Variants in CCSER1 observed in about 807,000 individuals in gnomAD.
CCSER1 encodes coiled-coil serine rich protein 1.
CCSER1 carries 41 observed loss-of-function variants against 82.0 expected under a neutral mutation model. The observed-to-expected ratio is 0.50, with a 90% CI of 0.39 to 0.65. CCSER1 has a LOEUF of 0.65. CCSER1 is among the 30% of genes least tolerant of loss of function. CCSER1 has a pLI of 0.00. For missense variants in CCSER1, 1,119 were observed against 1,064.2 expected (o/e 1.05, Z -0.72); for synonymous variants, 414 against 383.9 (o/e 1.08, Z -0.92).
At chr4:90,896,466 G>A (rs1042605579) in intron 8 of CCSER1, among the ~76,000 whole-genome samples, 4 of 151,820 alleles carry the variant, frequency 2.6e-5, no homozygotes, top group African/African-American at 7.3e-5. Context: ...CTGGCATCAC[G>A]AATATTTTGG....
chr4:90,610,102 A>T (rs1351218684), intron 5 of CCSER1, among the ~76,000 whole-genome samples: 1 of 151,774 alleles, frequency 6.6e-6, no homozygotes, highest in East Asian at 1.9e-4. Context: ...AAATACAAAA[A>T]ATTAGCCGGG....
At chr4:90,552,930 A>G (rs1052480054) in intron 5 of CCSER1, among the ~76,000 whole-genome samples, 1 of 152,156 alleles carries the variant, frequency 6.6e-6, no homozygotes, top group African/African-American at 2.4e-5. Context: ...TCTCTGAACC[A>G]GAGTGTTAGC....
intron 10 of CCSER1, among the ~76,000 whole-genome samples, chr4:91,274,098 T>C (rs2149188661): frequency 1.3e-5 from 2 of 152,342 alleles, no homozygotes; most frequent in South Asian, 2.1e-4. Context: ...ATGAGCACTT[T>C]GGTAATACAC....
At chr4:90,830,683 T>C (rs1016535306) in intron 8 of CCSER1, among the ~76,000 whole-genome samples, 26 of 152,164 alleles carry the variant, frequency 1.7e-4, no homozygotes, top group African/African-American at 5.8e-4. Context: ...TTTGGTTTAT[T>C]ACACAGCCAG....
chr4:90,403,590 CA>C (rs1753261719), intron 4 of CCSER1, among the ~76,000 whole-genome samples: 2 of 145,418 alleles, frequency 1.4e-5, no homozygotes, highest in African/African-American at 5.1e-5. Context: ...CAGCATTAAA[CA>C]TTCAAAAATG....
chr4:90,267,768 A>G (rs1182111126), intron 1 of CCSER1, among the ~76,000 whole-genome samples: 1 of 152,214 alleles, frequency 6.6e-6, no homozygotes, highest in Non-Finnish European at 1.5e-5. Context: ...GAACTACAAC[A>G]TAACTGGGCT....
chr4:90,642,750 G>A (rs113105683), intron 6 of CCSER1, among the ~76,000 whole-genome samples: 1,828 of 152,230 alleles, frequency 0.012, 9 homozygotes, highest in Non-Finnish European at 0.019. Flanking sequence ...AGCTACTCTG[G>A]AGGCTGACAT....
At chr4:90,648,144 G>A (rs1727929010) in intron 6 of CCSER1, among the ~76,000 whole-genome samples, 1 of 151,430 alleles carries the variant, frequency 6.6e-6, no homozygotes, top group African/African-American at 2.4e-5. Context: ...ATAGAATTCA[G>A]TTTAGACATA....
chr4:91,491,733 T>G (rs1758555066), intron 10 of CCSER1, among the ~76,000 whole-genome samples: 1 of 152,092 alleles, frequency 6.6e-6, no homozygotes. Context: ...TGAAGAATAT[T>G]TTTTCCTATT....
At chr4:91,479,296 C>T (rs1016448906) in intron 10 of CCSER1, among the ~76,000 whole-genome samples, 3 of 150,824 alleles carry the variant, frequency 2.0e-5, no homozygotes, top group African/African-American at 7.3e-5. Context: ...ACATGGATTC[C>T]GTGAAAAGTT....
chr4:91,482,168 T>C (rs4485791), intron 10 of CCSER1, among the ~76,000 whole-genome samples: 121,837 of 147,768 alleles, frequency 0.82, 50,552 homozygotes, highest in East Asian at 0.93. Flanking sequence ...TTTGGGAGGC[T>C]GAGGCGGGTG....
At chr4:90,847,498 C>T (rs1038126489) in intron 8 of CCSER1, among the ~76,000 whole-genome samples, 2 of 152,102 alleles carry the variant, frequency 1.3e-5, no homozygotes, top group South Asian at 4.1e-4. Flanking sequence ...CCATTTCTCA[C>T]GTATCAGTTT....
chr4:90,136,120 A>AT (rs1287231140), intron 1 of CCSER1, among the ~76,000 whole-genome samples: 1 of 152,202 alleles, frequency 6.6e-6, no homozygotes, highest in East Asian at 1.9e-4. Flanking sequence ...GACGAAATTT[A>AT]TTCCACACAG....
At chr4:91,174,446 A>T (rs765023490) in intron 10 of CCSER1, among the ~76,000 whole-genome samples, 21 of 152,090 alleles carry the variant, frequency 1.4e-4, no homozygotes, top group Non-Finnish European at 2.5e-4. Context: ...TTTAATATAA[A>T]TTTTAATTTT....
chr4:90,203,860 C>T, intron 1 of CCSER1, among the ~76,000 whole-genome samples: 1 of 152,100 alleles, frequency 6.6e-6, no homozygotes, highest in Non-Finnish European at 1.5e-5. Flanking sequence ...TCTGTTGTTT[C>T]CTGATTTTTT....
At chr4:91,069,019 C>A (rs1333246511) in intron 9 of CCSER1, among the ~76,000 whole-genome samples, 2 of 151,878 alleles carry the variant, frequency 1.3e-5, no homozygotes, top group Non-Finnish European at 2.9e-5. Flanking sequence ...ACAAAAAATA[C>A]AAAAATTAGC....
At chr4:90,534,441 T>TTGTGTGTGTGTGTG (rs376987549) in intron 5 of CCSER1, among the ~76,000 whole-genome samples, 37 of 136,466 alleles carry the variant, frequency 2.7e-4, no homozygotes, top group Non-Finnish European at 4.4e-4. Flanking sequence ...TGCCAGCCTT[T>TTGTGTGTGTGTGTG]TGTGTGTGTG....
intron 7 of CCSER1, among the ~76,000 whole-genome samples, chr4:90,782,937 C>T (rs753746254): frequency 6.6e-6 from 1 of 150,548 alleles, no homozygotes; most frequent in East Asian, 2.0e-4. Context: ...TCCTCGGCCT[C>T]CCGAAGTGCG....
intron 6 of CCSER1, among the ~76,000 whole-genome samples, chr4:90,645,868 G>T (rs1262614833): frequency 6.6e-6 from 1 of 152,124 alleles, no homozygotes; most frequent in Non-Finnish European, 1.5e-5. Context: ...AAATATCCTT[G>T]CTAGGGCTGT....
Sources: allele counts gnomAD v4.1 joint callset (sites outside exome capture counted in the v4.1 genomes callset), GRCh38; gene constraint gnomAD v4.1.1; transcripts MANE v1.5; gene names NCBI Gene and HGNC (gene_info 2026-07-23, HGNC 2026-07-21).